The following CIT variants were observed in gnomAD, a reference collection of about 807,000 sequenced individuals.
CIT encodes citron rho-interacting serine/threonine kinase.
CIT carries 79 observed loss-of-function variants against 272.7 expected under a neutral mutation model. The ratio of observed to expected loss-of-function variants is 0.29; its 90% CI spans 0.24 to 0.35. The LOEUF is 0.35. Among genes scored for constraint, CIT ranks in the 10% least tolerant of loss-of-function variants. The probability of loss-of-function intolerance (pLI) is 1.00; values close to 1 mark genes in which losing one functional copy is unlikely to be tolerated. For missense variants in CIT, 1,909 were observed against 2,618.3 expected, an observed-to-expected ratio of 0.73 and a Z score of 5.91; for synonymous variants, 948 against 995.6, an observed-to-expected ratio of 0.95 and a Z score of 0.90.
At position 119,711,922 on chromosome 12, in the gene CIT, A is replaced by G. The variant is rs571558619; in HGVS notation, c.4854+256T>C. Among the ~76,000 whole-genome samples, 39 of 152,204 alleles carry G rather than the reference A, an allele frequency of 2.6e-4. 1 individual carries two copies. The South Asian group carries it at 7.7e-3, about 30-fold the overall frequency. ...TCCTCCTGCCTTGGCCTCCTGGGTC[A>G]CTGGGACCACAGGCATGAGCCACCG... On this transcript the variant is annotated intron_variant, in intron 37 of 47. Coordinates refer to ENST00000392521, the MANE Select transcript of CIT (RefSeq NM_001206999.2).
chr12:119,717,911 G>A (rs112872606), intron 32 of CIT, among the ~76,000 whole-genome samples: 1 of 137,552 alleles, frequency 7.3e-6, no homozygotes, highest in East Asian at 2.1e-4. Flanking sequence ...GCGCAATCTC[G>A]GCTACCGCAA....
chr12:119,834,226 G>C lies in CIT; in HGVS notation c.519C>G (p.Val173=). The change falls in exon 6 of 48, where the codon GTC becomes GTG. Residue 173 remains valine (V), a splice_region_variant and synonymous_variant. Transcript: ENST00000392521. ...AFQDKNHLYL[V]MEYQPGGDLL... is the part of the protein sequence containing the mutation. Reference sequence around the variant, plus strand: ...AGTCCCCTCCAGGCTGATATTCCATGACCTGTATAGAATGCCAAAGTTATT... The same window carrying C: ...AGTCCCCTCCAGGCTGATATTCCATCACCTGTATAGAATGCCAAAGTTATT... 6.3e-7 allele frequency: 1 copy of C among 1,598,036 alleles called. No homozygotes were observed. Among genetic ancestry groups the C allele is most frequent in the Non-Finnish European group, 8.5e-7 (1 of 1,175,154 alleles).
chr12:119,776,348 G>A lies in CIT; in HGVS notation c.1887+10C>T. ...AATATTAATAGCAAAACCAATCATG[G>A]AAAGTATACCTTCTCCAGTTTCGCA... On this transcript the variant is annotated intron_variant, in intron 15 of 47. Coordinates refer to ENST00000392521, the MANE Select transcript of CIT (RefSeq NM_001206999.2). 1 of 1,610,454 alleles carries A rather than the reference G, an allele frequency of 6.2e-7. No individual in the cohort carries two copies. Among genetic ancestry groups the A allele is most frequent in the Non-Finnish European group, 8.5e-7 (1 of 1,177,162 alleles).
intron 9 of CIT, among the ~76,000 whole-genome samples, chr12:119,813,115 A>G (rs1966871553): frequency 6.6e-6 from 1 of 152,200 alleles, no homozygotes; most frequent in Non-Finnish European, 1.5e-5. Context: ...CAAATTTACC[A>G]GAGCCCTGCA....
rs144413089 is a variant in CIT at position 119,718,289 on chromosome 12, A to G, written c.4124T>C (p.Leu1375Pro). 1 of 1,613,956 alleles carries G rather than the reference A, an allele frequency of 6.2e-7. No homozygotes were observed. Among genetic ancestry groups the G allele is most frequent in the Non-Finnish European group, 8.5e-7 (1 of 1,179,896 alleles). ...CTTTCTGCGGCTGGATGGCGGGGCCAGCAGGCTCATGGCACTGGGCTGGTG... is the reference window on the plus strand; with the variant it reads ...CTTTCTGCGGCTGGATGGCGGGGCCGGCAGGCTCATGGCACTGGGCTGGTG... ...PEHQPSAMSL[L>P]APPSSRRKES... The change falls in exon 32 of 48, where the codon CTG becomes CCG. Residue 1375 changes from leucine to proline, a missense_variant. By Grantham distance (98) the Leu-to-Pro change is moderately conservative. Coordinates refer to ENST00000392521, the MANE Select transcript of CIT (RefSeq NM_001206999.2). The surrounding 1 kb of genome is among the most constrained non-coding windows in gnomAD (Gnocchi z 4.8).
intron 9 of CIT, among the ~76,000 whole-genome samples, chr12:119,814,771 TCAC>T (rs1966985899): frequency 6.6e-6 from 1 of 152,060 alleles, no homozygotes; most frequent in Non-Finnish European, 1.5e-5. Context: ...GCCCAAAACA[TCAC>T]GCCTGTAATC....
chr12:119,874,676 C>T (rs1289964419), intron 2 of CIT, among the ~76,000 whole-genome samples: 1 of 151,892 alleles, frequency 6.6e-6, no homozygotes, highest in Non-Finnish European at 1.5e-5. Context: ...TTTTTAAAAT[C>T]TTAAAAAATA....
intron 9 of CIT, among the ~76,000 whole-genome samples, chr12:119,805,689 A>G (rs1966550224): frequency 6.6e-6 from 1 of 152,254 alleles, no homozygotes; most frequent in African/African-American, 2.4e-5. Flanking sequence ...AGTATAATTA[A>G]TGGAGAGTAA....
rs145140814 is a variant in CIT, at chr12:119,721,351, C to A, written c.3690G>T (p.Lys1230Asn). 1.1e-5 allele frequency: 18 copies of A among 1,610,782 alleles called. No individual in the cohort carries two copies. In the African/African-American group the frequency reaches 2.3e-4, roughly 20 times the overall value. Residue 1230 changes from lysine (K) to asparagine (N), a missense_variant, in exon 29 of 48, where the codon AAG becomes AAT. Lys to Asn is a moderately conservative substitution (Grantham distance 94, BLOSUM62 0). Transcript: ENST00000392521. ...QEALDRADLL[K>N]TERSDLEYQL... ...GATACTCCAAGTCACTTCTTTCTGT[C>A]TTCAGTAGATCAGCCCGATCTAGAG...
intron 28 of CIT, among the ~76,000 whole-genome samples, chr12:119,726,849 C>T (rs1958141534): frequency 6.6e-6 from 1 of 152,160 alleles, no homozygotes. Flanking sequence ...TCTCAGAGTT[C>T]TGTGAAAAGG....
chr12:119,784,694 A>C lies in CIT; in HGVS notation c.1401+266T>G. 1 of 1,318,790 alleles carries C rather than the reference A, an allele frequency of 7.6e-7. No individual in the cohort carries two copies. Among genetic ancestry groups the C allele is most frequent in the Non-Finnish European group, 9.7e-7 (1 of 1,034,348 alleles). 81.7% of individuals were successfully genotyped at this position (1,318,790 alleles called of 1,614,324 possible). ...ACCCAGGCCACCTGCCGGAAGAAGC[A>C]GACATCTGGCTGGGTCATGCTGAGA... On this transcript the variant is annotated intron_variant, in intron 11 of 47. Transcript: ENST00000392521. This position sits in a 1 kb window ranked among gnomAD's most constrained non-coding sequence, Gnocchi z 4.7.
At chr12:119,851,682 G>A (rs945760817) in intron 4 of CIT, among the ~76,000 whole-genome samples, 1 of 152,194 alleles carries the variant, frequency 6.6e-6, no homozygotes, top group African/African-American at 2.4e-5. Flanking sequence ...GAAAATCCAA[G>A]TCCACATAGA....
At chr12:119,748,185 A>G (rs1959720360) in intron 23 of CIT, among the ~76,000 whole-genome samples, 2 of 152,162 alleles carry the variant, frequency 1.3e-5, no homozygotes, top group East Asian at 1.9e-4. Context: ...AAAAAAAACC[A>G]TCTGATCTTG....
At chr12:119,793,251 C>T (rs894143177) in intron 10 of CIT, among the ~76,000 whole-genome samples, 1 of 152,152 alleles carries the variant, frequency 6.6e-6, no homozygotes, top group African/African-American at 2.4e-5. Flanking sequence ...TATGTAGCTC[C>T]AGAATCATTT....
chr12:119,752,369 C>T (rs776606831), intron 22 of CIT, 122 bp from the exon 23 acceptor site: 192 of 863,536 alleles, frequency 2.2e-4, no homozygotes, highest in Non-Finnish European at 3.2e-4. Flanking sequence ...ACCACCTTCT[C>T]GGCACTCGAT....
Position 119,826,569 on chromosome 12 carries a change from C to T in CIT, c.754-1201G>A, listed in dbSNP as rs189182583. 5.9e-5 allele frequency among the ~76,000 whole-genome samples: 9 copies of T among 152,272 alleles called. No individual in the cohort carries two copies. The East Asian group carries it at 1.5e-3, about 26-fold the overall frequency. ...CCTTTGGTCTTCAAAATTATTTTGA[C>T]GTTTTACTGAGCCATGAAATTTGAA... On this transcript the variant is annotated intron_variant, in intron 7 of 47. Transcript: ENST00000392521.
At position 119,757,559 on chromosome 12, in the gene CIT, T is replaced by C. The variant is rs747039547; in HGVS notation, c.2532-14A>G. On this transcript the variant is annotated splice_polypyrimidine_tract_variant and intron_variant, in intron 21 of 47. Transcript: ENST00000392521. ...TCTTGGGCCTTCCTGGTGGGGGTGGTGGGAGGATCCAAACAAAATCACAGT... is the reference window on the plus strand; with the variant it reads ...TCTTGGGCCTTCCTGGTGGGGGTGGCGGGAGGATCCAAACAAAATCACAGT... The C allele has an allele frequency of 1.2e-6, 2 of 1,613,876 alleles. No homozygotes were observed. The highest frequency in any genetic ancestry group is 1.7e-6 in the Non-Finnish European group (2 of 1,179,912).
chr12:119,696,775 C>A (rs963592168), intron 46 of CIT, among the ~76,000 whole-genome samples: 2 of 152,186 alleles, frequency 1.3e-5, no homozygotes, highest in Admixed American at 6.5e-5. Context: ...GATCTGCCAG[C>A]CCTCACCTCC....
chr12:119,866,459 C>T (rs1950518091), intron 3 of CIT, among the ~76,000 whole-genome samples: 1 of 152,136 alleles, frequency 6.6e-6, no homozygotes, highest in African/African-American at 2.4e-5. Context: ...CAAGCCTTTT[C>T]GAAATGGGCC....
Sources: allele counts gnomAD v4.1 joint callset (sites outside exome capture counted in the v4.1 genomes callset), GRCh38; gene constraint gnomAD v4.1.1; non-coding constraint Gnocchi (gnomAD v3.1); transcripts MANE v1.5; gene names NCBI Gene and HGNC (gene_info 2026-07-23, HGNC 2026-07-21).